ZNF141: variants seen among roughly 807,000 people sequenced by gnomAD.
ZNF141 encodes zinc finger protein 141 (clone pHZ-44).
ZNF141 carries 7 observed loss-of-function variants against 11.3 expected under a neutral mutation model. The observed-to-expected ratio is 0.62, with a 90% CI of 0.35 to 1.16. The LOEUF (loss-of-function observed/expected upper bound fraction) is 1.16. Ranked by LOEUF, ZNF141 falls within the 50% of genes most tolerant of loss-of-function variation. The pLI is 0.02. For synonymous variants in ZNF141, 183 were observed against 190.7 expected, an observed-to-expected ratio of 0.96 and a Z score of 0.33; for missense variants, 535 against 554.0, an observed-to-expected ratio of 0.97 and a Z score of 0.34.
intron 3 of ZNF141, among the ~76,000 whole-genome samples, chr4:362,509 T>C (rs1711541822): frequency 6.6e-6 from 1 of 152,240 alleles, no homozygotes; most frequent in African/African-American, 2.4e-5. Context: ...TTTATGGTTA[T>C]AGGTCTAACA....
At chr4:358,938 TTTA>T in intron 3 of ZNF141, among the ~76,000 whole-genome samples, 1 of 152,186 alleles carries the variant, frequency 6.6e-6, no homozygotes, top group East Asian at 1.9e-4. Flanking sequence ...AGATCTGTGT[TTTA>T]TTGTTAGTTG....
rs781990293 is a variant in ZNF141 at position 337,854 on chromosome 4, T to TA, written c.-130_-129insA. On this transcript the variant is annotated 5_prime_UTR_variant, in exon 1 of 4. Coordinates refer to ENST00000240499, the MANE Select transcript of ZNF141 (RefSeq NM_003441.4). ...TACTACCAGACCGCGGGTTAGGGGC[T>TA]TCATCTCTCTGCGTTCTCAGTTGTG... 6 of 1,286,382 alleles carry TA rather than the reference T, an allele frequency of 4.7e-6. No individual in the cohort carries two copies. 79.7% of individuals were successfully genotyped at this position (1,286,382 alleles called of 1,614,324 possible). A position where few individuals can be genotyped will look rare whatever the true frequency, so the allele number is the denominator to read the frequency against.
Position 369,756 on chromosome 4 carries a change from A to T in ZNF141, c.227-2908A>T, listed in dbSNP as rs1417209986. Among the ~76,000 whole-genome samples the T allele has an allele frequency of 2.7e-3, 97 of 35,316 alleles. 1 individual carries two copies. The highest frequency in any genetic ancestry group is 0.015 in the African/African-American group (92 of 6,068). 23.2% of individuals were successfully genotyped at this position (35,316 alleles called of 152,430 possible). Reference sequence around the variant, plus strand: ...TAAAGAGATATATATATATATATATATATATATATTTTTTTTTTTTTTTTT... The same window carrying T: ...TAAAGAGATATATATATATATATATTTATATATATTTTTTTTTTTTTTTTT... On this transcript the variant is annotated intron_variant, in intron 3 of 3. Coordinates refer to ENST00000240499, the MANE Select transcript of ZNF141 (RefSeq NM_003441.4).
Position 377,253 on chromosome 4 carries a change from GAACA to G in ZNF141, c.*3398_*3401del, listed in dbSNP as rs782334720. Among the ~76,000 whole-genome samples, 11 of 152,170 alleles carry G rather than the reference GAACA, an allele frequency of 7.2e-5. No individual in the cohort carries two copies. The East Asian group carries it at 1.4e-3, about 19-fold the overall frequency. On this transcript the variant is annotated 3_prime_UTR_variant, in exon 4 of 4. Transcript: ENST00000240499. ...GGATGTTTTGATCTATTATTGTAGTGAACAAACAAAGTTCTGGGTGTGTAATAGA... is the reference window on the plus strand; with the variant it reads ...GGATGTTTTGATCTATTATTGTAGTGAACAAAGTTCTGGGTGTGTAATAGA...
rs1553854459 is a variant in ZNF141, at chr4:375,614, G to T, written c.*1752G>T. ...AAAATCCAAAGTTGAACCTATTAGA[G>T]AATTTCTTTGTATATAAGTTGAAAA... On this transcript the variant is annotated 3_prime_UTR_variant, in exon 4 of 4. Transcript: ENST00000240499. 6.6e-6 allele frequency among the ~76,000 whole-genome samples: 1 copy of T among 151,924 alleles called. No individual in the cohort carries two copies. Among genetic ancestry groups the T allele is most frequent in the African/African-American group, 2.4e-5 (1 of 41,372 alleles).
intron 3 of ZNF141, among the ~76,000 whole-genome samples, chr4:366,199 T>C (rs1711733274): frequency 6.6e-6 from 1 of 152,248 alleles, no homozygotes; most frequent in Non-Finnish European, 1.5e-5. Flanking sequence ...AGAGATGGCA[T>C]TGAATCTGTA....
rs1204466874 is a variant in ZNF141, at chr4:384,484, A to G, written c.*10622A>G. 1.3e-5 allele frequency: 2 copies of G among 152,274 alleles called. No individual in the cohort carries two copies. Among genetic ancestry groups the G allele is most frequent in the Non-Finnish European group, 2.9e-5 (2 of 68,068 alleles). The allele number at this position is 152,274 out of a possible 1,614,324, so 9.4% of individuals were successfully genotyped here. On this transcript the variant is annotated 3_prime_UTR_variant, in exon 4 of 4. Coordinates refer to ENST00000240499, the MANE Select transcript of ZNF141 (RefSeq NM_003441.4). Reference sequence around the variant, plus strand: ...AACTTCCTCTTATGCCAGGGTGTTGATCAGAAGAGACTGTCCCACTTAGGC... The same window carrying G: ...AACTTCCTCTTATGCCAGGGTGTTGGTCAGAAGAGACTGTCCCACTTAGGC...
rs535876094 is a variant in ZNF141 at position 371,134 on chromosome 4, A to ATTTT, written c.227-1529_227-1526dup. ...TGTTTTCATTTATATATATATATAT[A>ATTTT]TTTTAATTATATTTAGTTTTGTTAC... On this transcript the variant is annotated intron_variant, in intron 3 of 3. Transcript: ENST00000240499. Among the ~76,000 whole-genome samples the ATTTT allele has an allele frequency of 2.5e-4, 37 of 148,100 alleles. No homozygotes were observed. The South Asian group carries it at 7.4e-3, about 29-fold the overall frequency.
chr4:373,493 A>G lies in ZNF141; in HGVS notation c.1056A>G (p.Ser352=), dbSNP rs1169415991. ...EECGKAFRQS[S]KLNEHKKVHT... Reference sequence around the variant, plus strand: ...GTGGCAAAGCTTTTAGACAGTCCTCAAAACTGAATGAACATAAGAAAGTTC... The same window carrying G: ...GTGGCAAAGCTTTTAGACAGTCCTCGAAACTGAATGAACATAAGAAAGTTC... The change falls in exon 4 of 4, where the codon TCA becomes TCG. Residue 352 remains serine (S), a synonymous_variant. Transcript: ENST00000240499. 3.1e-6 allele frequency: 5 copies of G among 1,613,982 alleles called. No individual in the cohort carries two copies. The highest frequency in any genetic ancestry group is 4.2e-6 in the Non-Finnish European group (5 of 1,180,012).
chr4:342,082 G>A (rs1553848548), intron 1 of ZNF141, among the ~76,000 whole-genome samples: 1 of 151,986 alleles, frequency 6.6e-6, no homozygotes, highest in Non-Finnish European at 1.5e-5. Flanking sequence ...TTTTTAAAAA[G>A]TCAGGGGAAA....
chr4:353,027 G>A (rs2108697778), intron 3 of ZNF141, among the ~76,000 whole-genome samples: 1 of 152,242 alleles, frequency 6.6e-6, no homozygotes, highest in African/African-American at 2.4e-5. Context: ...CACCCAGTTT[G>A]TGTTGGAGGA....
intron 1 of ZNF141, chr4:343,090 TA>T: frequency 1.6e-6 from 1 of 608,444 alleles, no homozygotes; most frequent in Non-Finnish European, 2.8e-6. Context: ...CTTGCATGAT[TA>T]AAAAAGTCCT....
chr4:368,073 A>G lies in ZNF141; in HGVS notation c.227-4591A>G, dbSNP rs140495088. On this transcript the variant is annotated intron_variant, in intron 3 of 3. Coordinates refer to ENST00000240499, the MANE Select transcript of ZNF141 (RefSeq NM_003441.4). ...CTTTACAAAAACAATTCTGTTTTCT[A>G]TTTTAGAGTCAGACTGCTTTATATA... Among the ~76,000 whole-genome samples, 56 of 152,218 alleles carry G rather than the reference A, an allele frequency of 3.7e-4. 1 individual carries two copies. The East Asian group carries it at 0.01, about 28-fold the overall frequency.
At chr4:366,935 T>A (rs1256973119) in intron 3 of ZNF141, among the ~76,000 whole-genome samples, 3 of 152,220 alleles carry the variant, frequency 2.0e-5, no homozygotes, top group African/African-American at 7.2e-5. Flanking sequence ...CCCAAAATGC[T>A]AGGATTACAG....
At chr4:358,165 T>A (rs1721934756) in intron 3 of ZNF141, 2 of 414,476 alleles carry the variant, frequency 4.8e-6, no homozygotes, top group Non-Finnish European at 9.4e-6. Flanking sequence ...TATTTGGTTC[T>A]TTTTTAAGTT....
chr4:350,160 CAGTA>C (rs1560184953), intron 3 of ZNF141: 1 of 534,776 alleles, frequency 1.9e-6, no homozygotes, highest in Non-Finnish European at 3.8e-6. Flanking sequence ...TCAGAATCCT[CAGTA>C]AGACCAAGCT....
chr4:367,579 C>T (rs893830081), intron 3 of ZNF141, among the ~76,000 whole-genome samples: 30 of 147,676 alleles, frequency 2.0e-4, no homozygotes, highest in Non-Finnish European at 4.3e-4. Flanking sequence ...TGCAGTGGTG[C>T]GATATCAGTT....
rs555486977 is a variant in ZNF141, at chr4:343,801, A to G, written c.23A>G (p.Asp8Gly). Reference sequence around the variant, plus strand: ...TTTCAGGAACTCTTAACATTCAGGGATGTGGCCATAGAATTCTCTCCAGAA... The same window carrying G: ...TTTCAGGAACTCTTAACATTCAGGGGTGTGGCCATAGAATTCTCTCCAGAA... MELLTFR[D>G]VAIEFSPEEW... Residue 8 changes from aspartate (D) to glycine (G), a missense_variant, in exon 2 of 4, where the codon GAT (aspartate) becomes GGT (glycine). Physicochemically the swap from Asp to Gly is moderately conservative, Grantham distance 94 (BLOSUM62 -1). Transcript: ENST00000240499. 10 of 1,582,348 alleles carry G rather than the reference A, an allele frequency of 6.3e-6. No homozygotes were observed. Among genetic ancestry groups the G allele is most frequent in the Non-Finnish European group, 8.6e-6 (10 of 1,166,316 alleles).
rs535305160 is a variant in ZNF141, at chr4:368,367, A to C, written c.227-4297A>C. Among the ~76,000 whole-genome samples the C allele has an allele frequency of 7.2e-5, 11 of 152,004 alleles. No homozygotes were observed. The South Asian group carries it at 2.3e-3, about 32-fold the overall frequency. ...AGCAATTCTTGTGCCTCAACCACCC[A>C]AGTAGCTGGGATTACAGACGTGCAC... On this transcript the variant is annotated intron_variant, in intron 3 of 3. Coordinates refer to ENST00000240499, the MANE Select transcript of ZNF141 (RefSeq NM_003441.4).
Sources: gnomAD v4.1 joint callset for allele counts (sites outside exome capture counted in the v4.1 genomes callset) on GRCh38, gnomAD v4.1.1 for gene constraint, MANE v1.5 for transcripts, NCBI Gene and HGNC (gene_info 2026-07-23, HGNC 2026-07-21) for gene names.